Variants in SEMA4D observed in about 807,000 individuals in gnomAD.
SEMA4D encodes semaphorin 4D.
SEMA4D carries 22 observed loss-of-function variants against 74.8 expected under a neutral mutation model. The ratio of observed to expected loss-of-function variants is 0.29; its 90% confidence interval spans 0.21 to 0.42. SEMA4D has a LOEUF of 0.42. SEMA4D is among the 10% of genes least tolerant of loss of function. The pLI is 1.00. For synonymous variants in SEMA4D, 445 were observed against 463.7 expected (o/e 0.96, Z 0.52); for missense variants, 937 against 1,118.4 (o/e 0.84, Z 2.31).
chr9:89,372,312 G>A (rs1409892083), downstream of SEMA4D, among the ~76,000 whole-genome samples: 2 of 113,834 alleles, frequency 1.8e-5, no homozygotes, highest in South Asian at 3.2e-4. Context: ...GGTGTGGGTC[G>A]GGGGTGTGGT....
intron 2 of SEMA4D, among the ~76,000 whole-genome samples, chr9:89,406,141 C>T (rs986535097): frequency 1.9e-4 from 29 of 152,230 alleles, no homozygotes; most frequent in Non-Finnish European, 2.2e-4. Context: ...AAACCAGAGG[C>T]TGCAGAGAGA....
At chr9:89,464,242 C>CA (rs1467850399) in intron 1 of SEMA4D, among the ~76,000 whole-genome samples, 1 of 152,154 alleles carries the variant, frequency 6.6e-6, no homozygotes, top group Admixed American at 6.5e-5. Context: ...AGATGTAAAA[C>CA]AAAAATACTT....
At chr9:89,420,714 A>T (rs1198767369) in intron 2 of SEMA4D, among the ~76,000 whole-genome samples, 1 of 152,246 alleles carries the variant, frequency 6.6e-6, no homozygotes, top group Non-Finnish European at 1.5e-5. Flanking sequence ...AAGCAAGAGC[A>T]AGGGGCTCTG....
intron 1 of SEMA4D, among the ~76,000 whole-genome samples, chr9:89,495,939 C>T (rs981255295): frequency 3.3e-5 from 5 of 152,314 alleles, no homozygotes; most frequent in East Asian, 1.9e-4. Context: ...CAGCAGCGGA[C>T]GTTCCCTCCC....
Position 89,477,283 on chromosome 9 carries a change from C to T in SEMA4D, c.-310+20636G>A, listed in dbSNP as rs567497755. 4.5e-3 allele frequency among the ~76,000 whole-genome samples: 457 copies of T among 101,422 alleles called. 2 individuals carry two copies. Among genetic ancestry groups the T allele is most frequent in the African/African-American group, 0.014 (432 of 30,758 alleles). 66.5% of individuals were successfully genotyped at this position (101,422 alleles called of 152,430 possible). Reference sequence around the variant, plus strand: ...ACACACACACACACAAATGCTCACACACATTCACATACACACATGCATGCA... The same window carrying T: ...ACACACACACACACAAATGCTCACATACATTCACATACACACATGCATGCA... On this transcript the variant is annotated intron_variant, in intron 1 of 15. Coordinates refer to ENST00000422704, the MANE Select transcript of SEMA4D (RefSeq NM_001371194.2).
intron 16 of SEMA4D, among the ~76,000 whole-genome samples, chr9:89,370,224 T>C (rs1159045255): frequency 2.0e-5 from 3 of 151,046 alleles, no homozygotes; most frequent in Non-Finnish European, 4.4e-5. Context: ...TGTGATGTTT[T>C]GTGCTGTGCA....
At chr9:89,365,433 TCCTC>T (rs944676731) in intron 16 of SEMA4D, 11 of 152,564 alleles carry the variant, frequency 7.2e-5, no homozygotes, top group African/African-American at 2.6e-4. Context: ...CACCTGCCCT[TCCTC>T]GAGGCCCACC....
chr9:89,478,693 G>A (rs1195767902), intron 1 of SEMA4D, among the ~76,000 whole-genome samples: 2 of 152,050 alleles, frequency 1.3e-5, no homozygotes, highest in South Asian at 2.1e-4. Flanking sequence ...CTGCACCCTT[G>A]TTAGGGGTCT....
chr9:89,373,739 A>T (rs1835423513), downstream of SEMA4D, among the ~76,000 whole-genome samples: 1 of 152,198 alleles, frequency 6.6e-6, no homozygotes, highest in South Asian at 2.1e-4. Context: ...GGGAGGACAC[A>T]GGCAGAAGCG....
At chr9:89,449,417 G>C (rs930783454) in intron 2 of SEMA4D, 4 of 544,600 alleles carry the variant, frequency 7.3e-6, no homozygotes, top group Non-Finnish European at 1.4e-5. Context: ...GCTCTTAGAA[G>C]TCACGCTAAA....
chr9:89,456,103 C>T (rs9410322), intron 1 of SEMA4D, 150 bp from the exon 2 acceptor site: 39,009 of 152,230 alleles, frequency 0.26, 5,193 homozygotes, highest in Middle Eastern at 0.35. Flanking sequence ...CTGTCAGTTA[C>T]AGGATACAGC....
rs952556914 is a variant in SEMA4D at position 89,377,284 on chromosome 9, A to G, written c.*1420T>C. On this transcript the variant is annotated 3_prime_UTR_variant, in exon 16 of 16. Transcript: ENST00000422704. ...TTTGGGTACTTTCCAAATGTATACAATTCAAAGTAGAAAAATAAAAACAAG... is the reference window on the plus strand; with the variant it reads ...TTTGGGTACTTTCCAAATGTATACAGTTCAAAGTAGAAAAATAAAAACAAG... 2.5e-5 allele frequency: 13 copies of G among 513,120 alleles called. No homozygotes were observed. The highest frequency in any genetic ancestry group is 1.7e-4 in the Admixed American group (4 of 24,142). 31.8% of individuals were successfully genotyped at this position (513,120 alleles called of 1,614,324 possible).
intron 1 of SEMA4D, among the ~76,000 whole-genome samples, chr9:89,481,806 G>C (rs945292842): frequency 6.6e-6 from 1 of 152,224 alleles, no homozygotes; most frequent in African/African-American, 2.4e-5. Flanking sequence ...GGGGCCCCAG[G>C]GCCCTGTGCT....
rs1249282613 is a variant in SEMA4D at position 89,379,195 on chromosome 9, T to G, written c.2098A>C (p.Lys700Gln). 1.2e-6 allele frequency: 2 copies of G among 1,613,688 alleles called. No individual in the cohort carries two copies. The highest frequency in any genetic ancestry group is 2.2e-5 in the South Asian group (2 of 91,050). Residue 700 changes from lysine (K) to glutamine (Q), a missense_variant, in exon 16 of 16, where the codon AAG (lysine) becomes CAG (glutamine). Coordinates refer to ENST00000422704, the MANE Select transcript of SEMA4D (RefSeq NM_001371194.2). ...TSSGAITLPP[K>Q]PAPTGTSCEP... ...CAGGATGTGCCGGTGGGCGCAGGCT[T>G]GGGAGGAAGGGTGATGGCCCCGGAG...
In SEMA4D at chr9:89,381,221, C is replaced by T. The variant is rs142877769; in HGVS notation, c.1572G>A (p.Pro524=). 4.4e-5 allele frequency: 71 copies of T among 1,607,726 alleles called. No individual in the cohort carries two copies. The highest frequency in any genetic ancestry group is 5.3e-5 in the African/African-American group (4 of 74,840). ...GCAGAGCCACGCAGGTCGCTGTGGG[C>T]GGGCTCCAGGCGCAGTAGGGGTCCC... is the stretch of plus-strand genomic sequence containing the variant. ...LARDPYCAWS[P]PTATCVALHQ... is the part of the protein sequence containing the mutation. Residue 524 remains proline (P), a synonymous_variant, in exon 14 of 16, where the codon CCG becomes CCA. Coordinates refer to ENST00000422704, the MANE Select transcript of SEMA4D (RefSeq NM_001371194.2). This position sits in a 1 kb window ranked among gnomAD's most constrained non-coding sequence, Gnocchi z 4.6.
intron 1 of SEMA4D, among the ~76,000 whole-genome samples, chr9:89,480,273 C>T (rs1243421676): frequency 1.3e-5 from 2 of 152,220 alleles, no homozygotes; most frequent in Admixed American, 6.5e-5. Flanking sequence ...ACACAGGGTG[C>T]TGATTGGTGT....
Position 89,386,469 on chromosome 9 carries a change from C to T in SEMA4D, c.1344G>A (p.Leu448=). The T allele has an allele frequency of 6.2e-7, 1 of 1,613,696 alleles. No individual in the cohort carries two copies. Among genetic ancestry groups the T allele is most frequent in the South Asian group, 1.1e-5 (1 of 91,068 alleles). Residue 448 remains leucine, a synonymous_variant, in exon 13 of 16, where the codon CTG becomes CTA. Transcript: ENST00000422704. ...VMFVSTDRGA[L]HKAISLEHAV... ...CGTGCTCGAGGCTGATGGCTTTGTG[C>T]AGAGCTCCCCGGTCTGCAGGGCCAA...
downstream of SEMA4D, chr9:89,376,946 G>A (rs762670816): frequency 3.7e-5 from 57 of 1,550,626 alleles, no homozygotes; most frequent in Middle Eastern, 1.7e-4. Flanking sequence ...CCCCGCACCC[G>A]AGGCTGGCCA....
At chr9:89,470,982 C>G (rs564488252) in intron 1 of SEMA4D, among the ~76,000 whole-genome samples, 1 of 152,158 alleles carries the variant, frequency 6.6e-6, no homozygotes, top group African/African-American at 2.4e-5. Context: ...ACACCATCTG[C>G]ACATGTCTTA....
Sources: allele counts gnomAD v4.1 joint callset (sites outside exome capture counted in the v4.1 genomes callset), GRCh38; gene constraint gnomAD v4.1.1; non-coding constraint Gnocchi (gnomAD v3.1); transcripts MANE v1.5; gene names NCBI Gene and HGNC (gene_info 2026-07-23, HGNC 2026-07-21).